Variants in ASPH observed in about 807,000 individuals in gnomAD.
ASPH encodes the protein aspartate beta-hydroxylase.
In ASPH, 100 loss-of-function variants were observed where a neutral mutation model predicts 118.4. That is an observed-to-expected ratio of 0.84 (90% CI 0.72 to 1.00). ASPH has a LOEUF of 1.00. Among genes scored for constraint, ASPH ranks in the 50% least tolerant of loss-of-function variants. The pLI is 0.00. For missense variants in ASPH, 920 were observed against 919.5 expected (o/e 1.00, Z -0.01); for synonymous variants, 315 against 325.6 (o/e 0.97, Z 0.35).
Position 61,578,435 on chromosome 8 carries a change from A to C in ASPH, c.1063-1577T>G, listed in dbSNP as rs1458278305. The C allele has an allele frequency of 2.5e-6, 4 of 1,602,338 alleles. No homozygotes were observed. The African/African-American group carries it at 5.4e-5, about 21-fold the overall frequency. ...CCGCAGTCATGGTCAACCAGAGCCT[A>C]CTGAGCCCCCTTGTCCTGGAGGTGG... On this transcript the variant is annotated intron_variant, in intron 15 of 24. Coordinates refer to ENST00000379454, the MANE Select transcript of ASPH (RefSeq NM_004318.4).
At position 61,665,378 on chromosome 8, in the gene ASPH, T is replaced by A. The variant is rs1819040213; in HGVS notation, c.323-11718A>T. On this transcript the variant is annotated intron_variant, in intron 3 of 24. Coordinates refer to ENST00000379454, the MANE Select transcript of ASPH (RefSeq NM_004318.4). ...AGAAACATCCTTCATATTTGTTGATTTTTTCCTATTTTCCTTGGTTTTAGC... is the reference window on the plus strand; with the variant it reads ...AGAAACATCCTTCATATTTGTTGATATTTTCCTATTTTCCTTGGTTTTAGC... 3 of 1,613,866 alleles carry A rather than the reference T, an allele frequency of 1.9e-6. No homozygotes were observed. The East Asian group carries it at 6.7e-5, about 36-fold the overall frequency.
intron 20 of ASPH, 22 bp from the exon 21 acceptor site, chr8:61,548,230 G>C: frequency 6.2e-7 from 1 of 1,600,164 alleles, no homozygotes; most frequent in Non-Finnish European, 8.5e-7. Context: ...GAAAGAATGT[G>C]CTCCAAACTG....
chr8:61,647,478 C>T (rs1439317203), intron 5 of ASPH, among the ~76,000 whole-genome samples: 2 of 152,004 alleles, frequency 1.3e-5, no homozygotes, highest in Non-Finnish European at 2.9e-5. Context: ...CAAGACCAGC[C>T]TGGCCAACAT....
At chr8:61,527,755 G>T (rs936601946) in intron 21 of ASPH, among the ~76,000 whole-genome samples, 2 of 152,160 alleles carry the variant, frequency 1.3e-5, no homozygotes, top group African/African-American at 2.4e-5. Context: ...GAGCAAGGAA[G>T]AATGTTGGCT....
intron 13 of ASPH, chr8:61,624,707 T>A: frequency 1.0e-6 from 1 of 985,718 alleles, no homozygotes; most frequent in Non-Finnish European, 1.2e-6. Flanking sequence ...TAATGAATCC[T>A]CAACGTCCAG....
rs760679755 is a variant in ASPH, at chr8:61,706,849, T to TGATG, written c.103+7416_103+7419dup. ...GCCCGACGTATTCATACACAAGAGG[T>TGATG]GATGCTGCAGACTACGGTAAAAAGA... On this transcript the variant is annotated intron_variant, in intron 1 of 24. Coordinates refer to ENST00000379454, the MANE Select transcript of ASPH (RefSeq NM_004318.4). Among the ~76,000 whole-genome samples the TGATG allele has an allele frequency of 5.3e-5, 8 of 152,212 alleles. No homozygotes were observed. In the South Asian group the frequency reaches 6.2e-4, roughly 12 times the overall value.
chr8:61,643,487 A>C, intron 8 of ASPH, 54 bp from the exon 9 acceptor site: 1 of 1,512,964 alleles, frequency 6.6e-7, no homozygotes, highest in Non-Finnish European at 9.0e-7. Context: ...ACACATTGCC[A>C]GACAGCATTC....
chr8:61,578,972 C>T lies in ASPH; in HGVS notation c.1063-2114G>A, dbSNP rs185809938. 2.0e-3 allele frequency: 3,157 copies of T among 1,610,806 alleles called. 53 individuals carry two copies. In the African/African-American group the frequency reaches 0.038, roughly 20 times the overall value. On this transcript the variant is annotated intron_variant, in intron 15 of 24. Transcript: ENST00000379454. ...CTGTGGTGCTGTCCATGGACAACAG[C>T]CGCTCCCTGGACATGGACAGCATCA...
chr8:61,701,687 G>A (rs1363240835), intron 1 of ASPH, among the ~76,000 whole-genome samples: 1 of 152,052 alleles, frequency 6.6e-6, no homozygotes, highest in African/African-American at 2.4e-5. Flanking sequence ...TAAGATTCAA[G>A]AAAATAAGCA....
At chr8:61,644,139 T>C (rs1806675040) in intron 7 of ASPH, 138 bp from the exon 8 acceptor site, 1 of 701,388 alleles carries the variant, frequency 1.4e-6, no homozygotes, top group African/African-American at 1.8e-5. Context: ...TGTTCACTCC[T>C]GAAACAAATA....
At chr8:61,582,445 T>C (rs1015703464) in intron 15 of ASPH, among the ~76,000 whole-genome samples, 12 of 152,206 alleles carry the variant, frequency 7.9e-5, no homozygotes, top group African/African-American at 2.4e-4. Context: ...ATTGCTTCAA[T>C]TCTATTAAGA....
intron 14 of ASPH, among the ~76,000 whole-genome samples, chr8:61,615,463 T>C (rs1435500854): frequency 1.3e-5 from 2 of 152,210 alleles, no homozygotes; most frequent in African/African-American, 2.4e-5. Flanking sequence ...CTCTCCCCTA[T>C]ACACACTAAA....
At chr8:61,683,890 T>C in intron 2 of ASPH, 149 bp downstream of exon 2, 1 of 910,620 alleles carries the variant, frequency 1.1e-6, no homozygotes, top group Non-Finnish European at 1.6e-6. Flanking sequence ...GTAACCTTCT[T>C]CATATCCCCT....
At chr8:61,702,485 A>G (rs1018897438) in intron 1 of ASPH, among the ~76,000 whole-genome samples, 2 of 151,820 alleles carry the variant, frequency 1.3e-5, no homozygotes, top group African/African-American at 4.8e-5. Flanking sequence ...ACGGGGTTTC[A>G]CCGTGTTAGC....
At chr8:61,527,097 G>A (rs1362854721) in intron 21 of ASPH, among the ~76,000 whole-genome samples, 1 of 152,202 alleles carries the variant, frequency 6.6e-6, no homozygotes, top group Non-Finnish European at 1.5e-5. Flanking sequence ...ATTTCAACAA[G>A]AATCAGGGGC....
chr8:61,679,310 T>C (rs577955331), intron 3 of ASPH, among the ~76,000 whole-genome samples: 137 of 152,244 alleles, frequency 9.0e-4, no homozygotes, highest in African/African-American at 2.9e-3. Flanking sequence ...GTATAATTCT[T>C]ATAAATGGCA....
chr8:61,582,780 T>C (rs1837989499), intron 15 of ASPH, among the ~76,000 whole-genome samples: 1 of 152,240 alleles, frequency 6.6e-6, no homozygotes, highest in Admixed American at 6.5e-5. Context: ...GCCCACTTGT[T>C]CCTTTATTAT....
chr8:61,636,469 G>T (rs1857803157), intron 12 of ASPH, among the ~76,000 whole-genome samples: 1 of 152,110 alleles, frequency 6.6e-6, no homozygotes, highest in African/African-American at 2.4e-5. Context: ...AGGAGACAGG[G>T]AAAACAAGGT....
At chr8:61,621,369 G>T (rs1192876503) in intron 13 of ASPH, among the ~76,000 whole-genome samples, 2 of 150,884 alleles carry the variant, frequency 1.3e-5, no homozygotes, top group Admixed American at 1.3e-4. Flanking sequence ...AATACACAGA[G>T]AATACGTTTT....
Sources: allele counts gnomAD v4.1 joint callset (sites outside exome capture counted in the v4.1 genomes callset), GRCh38; gene constraint gnomAD v4.1.1; transcripts MANE v1.5; gene names NCBI Gene and HGNC (gene_info 2026-07-23, HGNC 2026-07-21).